GPC5: variants seen among roughly 807,000 people sequenced by gnomAD.
The protein encoded by GPC5 is glypican-5.
Under a neutral mutation model 53.9 loss-of-function variants are expected in GPC5, and 47 were observed. The ratio of observed to expected loss-of-function variants is 0.87; its 90% CI spans 0.69 to 1.11. The LOEUF is 1.11. Among genes scored for constraint, GPC5 ranks in the 50% most tolerant of loss-of-function variants. The pLI, the probability that GPC5 is intolerant of heterozygous loss-of-function variation, is 0.00. For missense variants in GPC5, 748 were observed against 713.1 expected, an observed-to-expected ratio of 1.05 and a Z score of -0.56; for synonymous variants, 286 against 263.3, an observed-to-expected ratio of 1.09 and a Z score of -0.84.
intron 2 of GPC5, among the ~76,000 whole-genome samples, chr13:91,643,808 G>A (rs1185221515): frequency 6.6e-6 from 1 of 151,970 alleles, no homozygotes; most frequent in African/African-American, 2.4e-5. Context: ...GTTTTTAAGG[G>A]CACCAGTCAT....
intron 7 of GPC5, among the ~76,000 whole-genome samples, chr13:92,595,975 G>C (rs951691061): frequency 6.6e-6 from 1 of 152,006 alleles, no homozygotes; most frequent in African/African-American, 2.4e-5. Context: ...ATTTCATCTA[G>C]TTCACTTGTT....
chr13:92,038,687 TAG>T (rs2040917085), intron 6 of GPC5, among the ~76,000 whole-genome samples: 1 of 151,024 alleles, frequency 6.6e-6, no homozygotes, highest in Non-Finnish European at 1.5e-5. Flanking sequence ...GATAGATAGA[TAG>T]ATAGATAGAT....
At chr13:91,976,092 AGG>A (rs2040298159) in intron 6 of GPC5, among the ~76,000 whole-genome samples, 2 of 151,974 alleles carry the variant, frequency 1.3e-5, no homozygotes, top group Non-Finnish European at 2.9e-5. Context: ...GGACACAGGA[AGG>A]GGAACATCAC....
chr13:92,844,645 T>C (rs915986075), intron 7 of GPC5, among the ~76,000 whole-genome samples: 1 of 152,092 alleles, frequency 6.6e-6, no homozygotes, highest in African/African-American at 2.4e-5. Context: ...GCAGTTCACA[T>C]CATGAAGTAA....
intron 7 of GPC5, among the ~76,000 whole-genome samples, chr13:92,757,689 CT>C (rs1434684127): frequency 6.6e-6 from 1 of 151,972 alleles, no homozygotes; most frequent in African/African-American, 2.4e-5. Context: ...ACAGACACTT[CT>C]CAAAAGAAGA....
chr13:92,257,090 A>G (rs1049571918), intron 7 of GPC5, among the ~76,000 whole-genome samples: 1 of 152,162 alleles, frequency 6.6e-6, no homozygotes, highest in Non-Finnish European at 1.5e-5. Context: ...CCAATAAAAT[A>G]AAATAAAACT....
intron 7 of GPC5, among the ~76,000 whole-genome samples, chr13:92,228,794 T>G (rs978723777): frequency 7.2e-5 from 11 of 152,078 alleles, no homozygotes; most frequent in Middle Eastern, 3.4e-3. Context: ...AGAAAGAACT[T>G]GGGAATTCAT....
Position 91,398,741 on chromosome 13 carries a change from T to C in GPC5, c.-306T>C, listed in dbSNP as rs1003700805. The C allele has an allele frequency of 2.9e-5, 10 of 340,838 alleles. No individual in the cohort carries two copies. Among genetic ancestry groups the C allele is most frequent in the African/African-American group, 2.1e-4 (10 of 46,534 alleles). The allele number at this position is 340,838 out of a possible 1,614,324, so 21.1% of individuals were successfully genotyped here. ...TTGCAGCAGTGGTGGCCAGAGCGGATGCTTGCGGGCTCCCTGCGGCTCCAC... is the reference window on the plus strand; with the variant it reads ...TTGCAGCAGTGGTGGCCAGAGCGGACGCTTGCGGGCTCCCTGCGGCTCCAC... On this transcript the variant is annotated 5_prime_UTR_variant, in exon 1 of 8. The change abolishes an upstream ATG in the 5' untranslated region. Coordinates refer to ENST00000377067, the MANE Select transcript of GPC5 (RefSeq NM_004466.6).
At chr13:92,629,850 C>A (rs1045180437) in intron 7 of GPC5, among the ~76,000 whole-genome samples, 1 of 152,012 alleles carries the variant, frequency 6.6e-6, no homozygotes, top group Non-Finnish European at 1.5e-5. Context: ...CAATATAATG[C>A]AGAGGTTAGC....
intron 1 of GPC5, among the ~76,000 whole-genome samples, chr13:91,410,324 A>G (rs546023193): frequency 3.7e-4 from 56 of 150,228 alleles, no homozygotes; most frequent in African/African-American, 1.3e-3. Flanking sequence ...AAATCATAGT[A>G]GAATCGTTTC....
chr13:91,482,882 A>G (rs1883383548), intron 2 of GPC5, among the ~76,000 whole-genome samples: 1 of 148,356 alleles, frequency 6.7e-6, no homozygotes, highest in African/African-American at 2.5e-5. Context: ...TTTTTTTGCC[A>G]TATCCATTAT....
intron 7 of GPC5, among the ~76,000 whole-genome samples, chr13:92,635,211 A>G (rs1167703663): frequency 6.6e-6 from 1 of 152,154 alleles, no homozygotes; most frequent in Non-Finnish European, 1.5e-5. Flanking sequence ...GAGGTAGGAT[A>G]TACACGTTCT....
At chr13:91,497,925 G>C (rs934790183) in intron 2 of GPC5, among the ~76,000 whole-genome samples, 1 of 152,072 alleles carries the variant, frequency 6.6e-6, no homozygotes, top group Non-Finnish European at 1.5e-5. Flanking sequence ...CCTCAAGAAT[G>C]TATCCTTTGT....
chr13:92,038,292 G>T (rs2040910296), intron 6 of GPC5, among the ~76,000 whole-genome samples: 1 of 151,404 alleles, frequency 6.6e-6, no homozygotes, highest in African/African-American at 2.4e-5. Flanking sequence ...CATTGAGGGA[G>T]AAATATTCAT....
chr13:92,064,058 T>C (rs917325096), intron 6 of GPC5, among the ~76,000 whole-genome samples: 3 of 152,146 alleles, frequency 2.0e-5, no homozygotes, highest in Admixed American at 6.5e-5. Context: ...TTGGAATAAA[T>C]ATAGCTAAGA....
chr13:91,516,697 C>T (rs1237159650), intron 2 of GPC5, among the ~76,000 whole-genome samples: 2 of 152,194 alleles, frequency 1.3e-5, no homozygotes, highest in Admixed American at 6.5e-5. Context: ...GGGGCTCTGA[C>T]CCCACATTTC....
intron 5 of GPC5, among the ~76,000 whole-genome samples, chr13:91,903,940 T>A (rs987010286): frequency 2.6e-5 from 4 of 152,010 alleles, no homozygotes; most frequent in African/African-American, 7.2e-5. Flanking sequence ...TTAATTAAAA[T>A]TAAGAAAAGA....
intron 7 of GPC5, among the ~76,000 whole-genome samples, chr13:92,508,950 T>G (rs914101371): frequency 2.6e-5 from 4 of 152,194 alleles, no homozygotes; most frequent in Non-Finnish European, 5.9e-5. Flanking sequence ...GCCTACTCTG[T>G]GCAAATCTCT....
intron 7 of GPC5, among the ~76,000 whole-genome samples, chr13:92,839,626 C>G (rs1363403408): frequency 6.6e-6 from 1 of 152,002 alleles, no homozygotes; most frequent in African/African-American, 2.4e-5. Context: ...CTGAAAAGGA[C>G]AGGATTATGT....
Sources: gnomAD v4.1 joint callset for allele counts (sites outside exome capture counted in the v4.1 genomes callset) on GRCh38, gnomAD v4.1.1 for gene constraint, MANE v1.5 for transcripts, NCBI Gene and HGNC (gene_info 2026-07-23, HGNC 2026-07-21) for gene names.